MGAT5: variants seen among roughly 807,000 people sequenced by gnomAD.
The protein encoded by MGAT5 is alpha-1,6-mannosylglycoprotein 6-beta-N-acetylglucosaminyltransferase A.
A neutral mutation model predicts 94.3 loss-of-function variants in MGAT5; 30 were observed. The observed-to-expected ratio is 0.32, with a 90% CI of 0.24 to 0.43. The LOEUF is 0.43. Ranked by LOEUF, MGAT5 falls within the 20% of genes least tolerant of loss-of-function variation. MGAT5 has a pLI of 1.00. For missense variants in MGAT5, 691 were observed against 905.5 expected, an observed-to-expected ratio of 0.76 and a Z score of 3.04; for synonymous variants, 310 against 322.9, an observed-to-expected ratio of 0.96 and a Z score of 0.43.
At chr2:134,187,673 G>T (rs550877727) in intron 1 of MGAT5, among the ~76,000 whole-genome samples, 1 of 152,320 alleles carries the variant, frequency 6.6e-6, no homozygotes, top group East Asian at 1.9e-4. Flanking sequence ...CAACTTTGTT[G>T]CTATGTCCCG....
intron 10 of MGAT5, among the ~76,000 whole-genome samples, chr2:134,386,225 A>G (rs1239447894): frequency 6.6e-6 from 1 of 152,188 alleles, no homozygotes; most frequent in African/African-American, 2.4e-5. Flanking sequence ...AAATATTTGA[A>G]CCAACCATTG....
chr2:134,357,359 C>T (rs1188760676), intron 9 of MGAT5, among the ~76,000 whole-genome samples: 1 of 152,134 alleles, frequency 6.6e-6, no homozygotes, highest in East Asian at 1.9e-4. Context: ...CTGAATTTCT[C>T]CCAGGATTTG....
At chr2:134,235,724 AGG>A in intron 1 of MGAT5, among the ~76,000 whole-genome samples, 1 of 118,940 alleles carries the variant, frequency 8.4e-6, no homozygotes, top group African/African-American at 3.5e-5. Context: ...TAATAATAAT[AGG>A]GGTTTTTTTT....
At chr2:134,300,538 C>G (rs532979078) in intron 2 of MGAT5, among the ~76,000 whole-genome samples, 1 of 152,250 alleles carries the variant, frequency 6.6e-6, no homozygotes, top group South Asian at 2.1e-4. Flanking sequence ...ATAGGAGACA[C>G]CTAAATGCAC....
intron 14 of MGAT5, among the ~76,000 whole-genome samples, chr2:134,439,801 C>T (rs1452222338): frequency 6.6e-6 from 1 of 152,210 alleles, no homozygotes; most frequent in Non-Finnish European, 1.5e-5. Flanking sequence ...TCTGGTGCTA[C>T]ACCCACCTCC....
At chr2:134,185,288 G>A (rs1265205352) in intron 1 of MGAT5, among the ~76,000 whole-genome samples, 1 of 152,168 alleles carries the variant, frequency 6.6e-6, no homozygotes, top group Non-Finnish European at 1.5e-5. Context: ...TGAAGGATAA[G>A]AACTATGCCT....
chr2:134,386,864 T>C (rs938252152), intron 10 of MGAT5, among the ~76,000 whole-genome samples: 4 of 152,176 alleles, frequency 2.6e-5, no homozygotes, highest in East Asian at 1.9e-4. Flanking sequence ...AATATGTATA[T>C]ATGGGATATC....
intron 14 of MGAT5, among the ~76,000 whole-genome samples, chr2:134,438,751 G>A (rs1355844997): frequency 6.6e-6 from 1 of 152,176 alleles, no homozygotes; most frequent in Non-Finnish European, 1.5e-5. Flanking sequence ...CTAGTTGTCT[G>A]TCTCTGGTGG....
intron 13 of MGAT5, among the ~76,000 whole-genome samples, chr2:134,424,686 G>C (rs1218982309): frequency 6.6e-6 from 1 of 152,194 alleles, no homozygotes; most frequent in Non-Finnish European, 1.5e-5. Context: ...TAAAACAGCA[G>C]AAATTTATTC....
At chr2:134,186,215 A>G (rs754828491) in intron 1 of MGAT5, among the ~76,000 whole-genome samples, 37 of 152,226 alleles carry the variant, frequency 2.4e-4, no homozygotes, top group Non-Finnish European at 8.8e-5. Context: ...ATTTTAGCCT[A>G]GAATGTGTCA....
chr2:134,141,445 T>C (rs1294247861), intron 1 of MGAT5, among the ~76,000 whole-genome samples: 2 of 140,604 alleles, frequency 1.4e-5, no homozygotes, highest in East Asian at 4.1e-4. Context: ...TTTTGTTGAA[T>C]AGATAGATGG....
intron 2 of MGAT5, among the ~76,000 whole-genome samples, chr2:134,281,307 C>CT: frequency 6.6e-6 from 1 of 152,258 alleles, no homozygotes. Context: ...ACTGATGTAT[C>CT]TTTTATCCAA....
chr2:134,349,652 G>C (rs867989142), intron 8 of MGAT5, among the ~76,000 whole-genome samples, 153 bp from the exon 9 acceptor site: 1 of 152,200 alleles, frequency 6.6e-6, no homozygotes, highest in Non-Finnish European at 1.5e-5. Flanking sequence ...CGGTACACAA[G>C]CTATTGTAAA....
chr2:134,262,589 T>C (rs1452313893), intron 1 of MGAT5, among the ~76,000 whole-genome samples: 1 of 152,224 alleles, frequency 6.6e-6, no homozygotes, highest in African/African-American at 2.4e-5. Context: ...TCTCACTGTA[T>C]TGCCCAGGCT....
intron 10 of MGAT5, among the ~76,000 whole-genome samples, chr2:134,384,299 A>C (rs1329399580): frequency 6.6e-6 from 1 of 151,260 alleles, no homozygotes; most frequent in African/African-American, 2.4e-5. Flanking sequence ...CTCTCCGGGC[A>C]TACAATGCTC....
At chr2:134,442,917 G>A (rs894359110) in intron 15 of MGAT5, among the ~76,000 whole-genome samples, 6 of 152,106 alleles carry the variant, frequency 3.9e-5, no homozygotes, top group African/African-American at 1.2e-4. Flanking sequence ...TCTAGCAGGT[G>A]TACCATTCCA....
At chr2:134,377,891 A>C (rs1299805208) in intron 10 of MGAT5, among the ~76,000 whole-genome samples, 2 of 152,160 alleles carry the variant, frequency 1.3e-5, no homozygotes, top group South Asian at 2.1e-4. Flanking sequence ...GACGTGTCCA[A>C]GGAGGTACCT....
intron 9 of MGAT5, among the ~76,000 whole-genome samples, chr2:134,352,568 A>G (rs1211316803): frequency 2.6e-5 from 4 of 152,224 alleles, no homozygotes; most frequent in Admixed American, 1.3e-4. Context: ...AAATAAACTA[A>G]TAAAAATGAT....
At chr2:134,165,504 G>A (rs552899662) in intron 1 of MGAT5, among the ~76,000 whole-genome samples, 132 of 152,190 alleles carry the variant, frequency 8.7e-4, no homozygotes, top group Non-Finnish European at 1.5e-3. Context: ...GGCCGGGCGC[G>A]GTGGCTCATG....
Sources: allele counts gnomAD v4.1 joint callset (sites outside exome capture counted in the v4.1 genomes callset), GRCh38; gene constraint gnomAD v4.1.1; transcripts MANE v1.5; gene names NCBI Gene and HGNC (gene_info 2026-07-23, HGNC 2026-07-21).